The following PTPN3 variants were observed in gnomAD, a reference collection of about 807,000 sequenced individuals.
PTPN3 encodes the protein protein tyrosine phosphatase non-receptor type 3.
In PTPN3, 96 loss-of-function variants were observed where a neutral mutation model predicts 132.7. The observed-to-expected ratio is 0.72, with a 90% confidence interval of 0.61 to 0.86. The LOEUF is 0.86. Among genes scored for constraint, PTPN3 ranks in the 40% least tolerant of loss-of-function variants. The probability of loss-of-function intolerance (pLI) is 0.00; values close to 1 mark genes in which losing one functional copy is unlikely to be tolerated. For missense variants in PTPN3, 1,125 were observed against 1,159.6 expected, an observed-to-expected ratio of 0.97 and a Z score of 0.43; for synonymous variants, 398 against 429.0, an observed-to-expected ratio of 0.93 and a Z score of 0.89.
intron 21 of PTPN3, 107 bp from the exon 22 acceptor site, chr9:109,389,486 T>C: frequency 8.6e-7 from 1 of 1,159,524 alleles, no homozygotes; most frequent in Non-Finnish European, 1.2e-6. Context: ...CCAGAAAAAT[T>C]ATCTCTTTAT....
chr9:109,523,634 G>T, the PTPN3 span, among the ~76,000 whole-genome samples: 2 of 152,392 alleles, frequency 1.3e-5, no homozygotes, highest in Non-Finnish European at 2.9e-5. Flanking sequence ...TTGCTATGTT[G>T]TGTGGCCATT....
chr9:109,500,049 A>C (rs1023146591), upstream of PTPN3, among the ~76,000 whole-genome samples: 1 of 152,218 alleles, frequency 6.6e-6, no homozygotes, highest in South Asian at 2.1e-4. Flanking sequence ...GCTCAGCAGG[A>C]GGCATTCTCT....
At chr9:109,405,602 A>T (rs555062000) in intron 18 of PTPN3, among the ~76,000 whole-genome samples, 136 of 152,280 alleles carry the variant, frequency 8.9e-4, no homozygotes, top group African/African-American at 3.2e-3. Flanking sequence ...GATTGATTGA[A>T]TGATTGAGAT....
intron 13 of PTPN3, 42 bp from the exon 14 acceptor site, chr9:109,420,642 T>C: frequency 6.4e-7 from 1 of 1,562,028 alleles, no homozygotes; most frequent in Non-Finnish European, 8.7e-7. Flanking sequence ...TCAAAGCAAA[T>C]TCCACTTAAA....
At chr9:109,394,602 C>G (rs1422851110) in intron 19 of PTPN3, among the ~76,000 whole-genome samples, 1 of 151,870 alleles carries the variant, frequency 6.6e-6, no homozygotes, top group African/African-American at 2.4e-5. Flanking sequence ...GCCACCACAT[C>G]CGGCTAATTT....
intron 1 of PTPN3, among the ~76,000 whole-genome samples, chr9:109,470,466 T>G (rs1276732450): frequency 6.6e-6 from 1 of 151,644 alleles, no homozygotes; most frequent in South Asian, 2.1e-4. Context: ...TTCCTTAAAC[T>G]CCTCTGAAGT....
intron 1 of PTPN3, among the ~76,000 whole-genome samples, chr9:109,493,949 A>G (rs1275717949): frequency 1.3e-5 from 2 of 152,248 alleles, no homozygotes; most frequent in Non-Finnish European, 2.9e-5. Flanking sequence ...GAGAGCACTC[A>G]CAACAGTGTG....
intron 1 of PTPN3, among the ~76,000 whole-genome samples, chr9:109,464,985 G>A (rs1461097128): frequency 6.6e-6 from 1 of 152,186 alleles, no homozygotes; most frequent in Non-Finnish European, 1.5e-5. Flanking sequence ...TGATGTGGGT[G>A]CTAATGACAC....
chr9:109,446,295 A>G (rs1303318787), intron 6 of PTPN3, among the ~76,000 whole-genome samples: 1 of 152,188 alleles, frequency 6.6e-6, no homozygotes, highest in Non-Finnish European at 1.5e-5. Flanking sequence ...CCCGTGAAGT[A>G]CCCAAGATGT....
the PTPN3 span, among the ~76,000 whole-genome samples, chr9:109,538,177 A>G: frequency 6.6e-6 from 1 of 152,234 alleles, no homozygotes; most frequent in African/African-American, 2.4e-5. Context: ...CATAAATGTA[A>G]GCACTGCAAT....
At chr9:109,504,595 C>A in the PTPN3 span, among the ~76,000 whole-genome samples, 1 of 152,176 alleles carries the variant, frequency 6.6e-6, no homozygotes. Flanking sequence ...GATTCCCAGA[C>A]CTTCAAGGAC....
At chr9:109,457,508 C>T (rs2132031548) in intron 2 of PTPN3, 109 bp from the exon 3 acceptor site, 2 of 777,832 alleles carry the variant, frequency 2.6e-6, no homozygotes, top group Admixed American at 5.6e-5. Context: ...GCTATGCACA[C>T]ACACTTCCCA....
chr9:109,526,188 A>G, the PTPN3 span, among the ~76,000 whole-genome samples: 3 of 152,230 alleles, frequency 2.0e-5, no homozygotes, highest in East Asian at 1.9e-4. Context: ...ACTGACAACC[A>G]TAAAGCATTG....
In PTPN3 at chr9:109,409,595, A is replaced by T. The variant is rs867762262; in HGVS notation, c.1578+404T>A. Among the ~76,000 whole-genome samples the T allele has an allele frequency of 1.2e-4, 19 of 152,198 alleles. No individual in the cohort carries two copies. In the Middle Eastern group the frequency reaches 0.01, roughly 82 times the overall value. On this transcript the variant is annotated intron_variant, in intron 16 of 25. Coordinates refer to ENST00000374541, the MANE Select transcript of PTPN3 (RefSeq NM_002829.4). ...TAATCCCGGCACTTTGGGAGGCCAA[A>T]GTGAGTAGATTGCCAGGTGTTTGAG... is the stretch of plus-strand genomic sequence containing the variant.
At chr9:109,463,727 TTTAAA>T (rs1845961945) in intron 1 of PTPN3, among the ~76,000 whole-genome samples, 1 of 152,246 alleles carries the variant, frequency 6.6e-6, no homozygotes, top group Non-Finnish European at 1.5e-5. Flanking sequence ...TTCCCAGGCT[TTTAAA>T]TTTTTATTTA....
rs529037937 is a variant in PTPN3 at position 109,437,286 on chromosome 9, G to C, written c.588-316C>G. Among the ~76,000 whole-genome samples, 66 of 152,280 alleles carry C rather than the reference G, an allele frequency of 4.3e-4. No homozygotes were observed. In the South Asian group the frequency reaches 0.014, roughly 32 times the overall value. Reference sequence around the variant, plus strand: ...ATTATTCCAAGTTGCTAATTAGTAGGGAATCTTTAGGTCTCTCTGCCTTTA... The same window carrying C: ...ATTATTCCAAGTTGCTAATTAGTAGCGAATCTTTAGGTCTCTCTGCCTTTA... On this transcript the variant is annotated intron_variant, in intron 8 of 25. Coordinates refer to ENST00000374541, the MANE Select transcript of PTPN3 (RefSeq NM_002829.4).
At chr9:109,511,954 T>C in the PTPN3 span, among the ~76,000 whole-genome samples, 1 of 152,192 alleles carries the variant, frequency 6.6e-6, no homozygotes, top group African/African-American at 2.4e-5. Flanking sequence ...TACCTAGACC[T>C]GAAGAAATAT....
rs1843335148 is a variant in PTPN3 at position 109,427,108 on chromosome 9, T to C, written c.843A>G (p.Glu281=). 1 of 1,614,094 alleles carries C rather than the reference T, an allele frequency of 6.2e-7. No homozygotes were observed. Among genetic ancestry groups the C allele is most frequent in the African/African-American group, 1.3e-5 (1 of 75,044 alleles). ...HQRQKQAESR[E]HIVAFNMLNY... ...TCAGCATGTTGAAGGCCACAATATGTTCCCTGGATTCAGCCTGGGAGGAAA... is the reference window on the plus strand; with the variant it reads ...TCAGCATGTTGAAGGCCACAATATGCTCCCTGGATTCAGCCTGGGAGGAAA... Residue 281 remains glutamate (E), a synonymous_variant, in exon 12 of 26, where the codon GAA becomes GAG. Coordinates refer to ENST00000374541, the MANE Select transcript of PTPN3 (RefSeq NM_002829.4).
intron 17 of PTPN3, 103 bp from the exon 18 acceptor site, chr9:109,406,721 G>A: frequency 1.4e-6 from 2 of 1,463,868 alleles, no homozygotes; most frequent in South Asian, 1.3e-5. Flanking sequence ...CCATGATCAA[G>A]TTTGCCTTCT....
Sources: allele counts gnomAD v4.1 joint callset (sites outside exome capture counted in the v4.1 genomes callset), GRCh38; gene constraint gnomAD v4.1.1; transcripts MANE v1.5; gene names NCBI Gene and HGNC (gene_info 2026-07-23, HGNC 2026-07-21).